KRT77: variants seen among roughly 807,000 people sequenced by gnomAD.
KRT77 encodes keratin 77, also known as keratin, type II cytoskeletal 1b.
In KRT77, 44 loss-of-function variants were observed where a neutral mutation model predicts 51.5. That is an observed-to-expected ratio of 0.85 (90% CI 0.67 to 1.10). The LOEUF (loss-of-function observed/expected upper bound fraction) is 1.10, where lower values mean the gene tolerates loss of function less well. Among genes scored for constraint, KRT77 ranks in the 50% least tolerant of loss-of-function variants. The pLI, the probability that KRT77 is intolerant of heterozygous loss-of-function variation, is 0.00. For missense variants in KRT77, 763 were observed against 743.9 expected, an observed-to-expected ratio of 1.03 and a Z score of -0.30; for synonymous variants, 293 against 302.0, an observed-to-expected ratio of 0.97 and a Z score of 0.31.
rs746470451 is a variant in KRT77 at position 52,703,143 on chromosome 12, CA to C, written c.291del (p.Phe97LeufsTer43). ...GVGGFGGGRGFGVGSTGAGGF... is the reference protein window; with the variant it reads ...GVGGFGGGRGXGVGSTGAGGF... ...CCACCAGCCCCGGTGCTGCCAACCCCAAAGCCTCTGCCCCCTCCAAATCCCC... is the reference window on the plus strand; with the variant it reads ...CCACCAGCCCCGGTGCTGCCAACCCCAAGCCTCTGCCCCCTCCAAATCCCC... On this transcript the variant is annotated frameshift_variant, in exon 1 of 9. Coordinates refer to ENST00000341809, the MANE Select transcript of KRT77 (RefSeq NM_175078.3). LOFTEE classifies it high-confidence loss of function. The C allele has an allele frequency of 2.6e-5, 42 of 1,610,972 alleles. No individual in the cohort carries two copies. The South Asian group carries it at 4.2e-4, about 16-fold the overall frequency.
intron 2 of KRT77, among the ~76,000 whole-genome samples, chr12:52,697,100 T>A (rs919053721): frequency 6.6e-5 from 10 of 152,228 alleles, no homozygotes; most frequent in Non-Finnish European, 4.4e-5. Flanking sequence ...ACAGCCACAA[T>A]ACTAAGAACT....
At chr12:52,696,576 T>C in intron 2 of KRT77, 146 bp from the exon 3 acceptor site, 1 of 682,102 alleles carries the variant, frequency 1.5e-6, no homozygotes, top group Non-Finnish European at 2.6e-6. Flanking sequence ...GGCTGTCCAT[T>C]CCCAGAGGCT....
chr12:52,692,548 C>A lies in KRT77; in HGVS notation c.1300G>T (p.Ala434Ser). The change falls in exon 7 of 9, where the codon GCC becomes TCC. Residue 434 changes from alanine to serine, a missense_variant. By Grantham distance (99) the Ala-to-Ser change is moderately conservative. Transcript: ENST00000341809. The stretch of plus-strand genomic sequence containing the variant: ...AGCTCCTCCTTGGACTGCTGCAGGG[C>A]CTCCTCCAGGTCCTGCAGCTTCTGC... ...AWQKLQDLEE[A>S]LQQSKEELAR... The A allele has an allele frequency of 6.2e-7, 1 of 1,605,100 alleles. No homozygotes were observed. Among genetic ancestry groups the A allele is most frequent in the South Asian group, 1.1e-5 (1 of 90,848 alleles).
At chr12:52,696,989 G>A (rs1411557916) in intron 2 of KRT77, among the ~76,000 whole-genome samples, 1 of 152,174 alleles carries the variant, frequency 6.6e-6, no homozygotes, top group Non-Finnish European at 1.5e-5. Context: ...AGGCTCTGCT[G>A]CCTGCACGGC....
chr12:52,703,300 A>G lies in KRT77; in HGVS notation c.135T>C (p.Gly45=). 1 of 1,613,684 alleles carries G rather than the reference A, an allele frequency of 6.2e-7. No individual in the cohort carries two copies. The highest frequency in any genetic ancestry group is 8.5e-7 in the Non-Finnish European group (1 of 1,179,956). The change falls in exon 1 of 9, where the codon GGT becomes GGC. Residue 45 remains glycine (G), a synonymous_variant. Coordinates refer to ENST00000341809, the MANE Select transcript of KRT77 (RefSeq NM_175078.3). ...TTCCATGGATCCCATATCCACCACC[A>G]CCACACCTCCCTCGAGCATAACACA... ...GSVCYARGRC[G]GGGYGIHGRG...
intron 1 of KRT77, 50 bp from the exon 2 acceptor site, chr12:52,697,946 C>T (rs12426129): frequency 0.18 from 283,342 of 1,558,154 alleles, 27,758 homozygotes; most frequent in Admixed American, 0.29. Flanking sequence ...CAGAGCAGCT[C>T]CCCCATAAGT....
intron 1 of KRT77, among the ~76,000 whole-genome samples, chr12:52,700,966 A>T (rs1941879627): frequency 6.6e-6 from 1 of 152,214 alleles, no homozygotes; most frequent in African/African-American, 2.4e-5. Context: ...TCTTCCTTCC[A>T]GCCAGGCCAC....
At chr12:52,699,698 A>G (rs1420782453) in intron 1 of KRT77, among the ~76,000 whole-genome samples, 1 of 152,098 alleles carries the variant, frequency 6.6e-6, no homozygotes, top group African/African-American at 2.4e-5. Flanking sequence ...CATCCTTTAG[A>G]CCTCAGCTGA....
At chr12:52,692,666 A>G (rs1941732778) in intron 6 of KRT77, 25 bp from the exon 7 acceptor site, 2 of 1,580,284 alleles carry the variant, frequency 1.3e-6, no homozygotes, top group African/African-American at 1.4e-5. Flanking sequence ...GTTGGAGACC[A>G]TTTAATGGTT....
chr12:52,696,381 C>T lies in KRT77; in HGVS notation c.808G>A (p.Val270Ile), dbSNP rs200230736. Residue 270 changes from valine (V) to isoleucine (I), a missense_variant, in exon 3 of 9, where the codon GTC (valine) becomes ATC (isoleucine). Coordinates refer to ENST00000341809, the MANE Select transcript of KRT77 (RefSeq NM_175078.3). ...KRTGSENDFV[V>I]LKKDVDAAYV... ...CCCCTTTCCCTCACCTTCTTCAGGA[C>T]GACAAAGTCATTCTCGCTGCCAGTC... 29 of 1,614,058 alleles carry T rather than the reference C, an allele frequency of 1.8e-5. No individual in the cohort carries two copies. The highest frequency in any genetic ancestry group is 2.2e-5 in the Non-Finnish European group (26 of 1,180,014).
intron 1 of KRT77, chr12:52,698,149 C>T (rs993358861): frequency 7.2e-7 from 1 of 1,395,940 alleles, no homozygotes; most frequent in Non-Finnish European, 9.5e-7. Flanking sequence ...TAAATCACCT[C>T]CTTCATTTAC....
At position 52,703,203 on chromosome 12, in the gene KRT77, T is replaced by C. The variant is rs749127239; in HGVS notation, c.232A>G (p.Ser78Gly). 1 of 1,593,702 alleles carries C rather than the reference T, an allele frequency of 6.3e-7. No homozygotes were observed. The highest frequency in any genetic ancestry group is 1.1e-5 in the South Asian group (1 of 90,370). Residue 78 changes from serine (S) to glycine (G), a missense_variant, in exon 1 of 9, where the codon AGC (serine) becomes GGC (glycine). Transcript: ENST00000341809. ...CCACCCTGGCAGAAACCACTGGTGC[T>C]CCTCCCCATTAGATTAATGGAGATG... The part of the protein sequence containing the change: ...RSISINLMGR[S>G]TSGFCQGGGV...
rs1182588469 is a variant in KRT77 at position 52,690,457 on chromosome 12, G to C, written c.*708C>G. On this transcript the variant is annotated 3_prime_UTR_variant, in exon 9 of 9. Transcript: ENST00000341809. ...ATCAACATGAGTGTATGAGGCTATG[G>C]ACCAAGAGGCAGGAATAGGCCGCTG... 6.5e-6 allele frequency: 1 copy of C among 154,948 alleles called. No individual in the cohort carries two copies. 9.6% of individuals were successfully genotyped at this position (154,948 alleles called of 1,614,324 possible).
At chr12:52,696,291 C>G in intron 3 of KRT77, 79 bp downstream of exon 3, 1 of 1,400,858 alleles carries the variant, frequency 7.1e-7, no homozygotes, top group Non-Finnish European at 1.0e-6. Context: ...GCCGTTGTCA[C>G]AGAGCATCCC....
intron 3 of KRT77, 92 bp from the exon 4 acceptor site, chr12:52,695,959 C>G (rs138851450): frequency 0.018 from 14,226 of 808,174 alleles, 809 homozygotes; most frequent in Admixed American, 0.16. Context: ...CAGAGCCACT[C>G]TAGGTTTATT....
intron 1 of KRT77, among the ~76,000 whole-genome samples, chr12:52,700,035 G>A (rs1270848137): frequency 6.6e-6 from 1 of 152,220 alleles, no homozygotes; most frequent in Non-Finnish European, 1.5e-5. Context: ...CCAGGCCAGT[G>A]TCCCAGGGGT....
chr12:52,696,517 T>TC (rs1941797087), intron 2 of KRT77, 87 bp from the exon 3 acceptor site: 1 of 1,112,780 alleles, frequency 9.0e-7, no homozygotes. Flanking sequence ...AGCTTGGAAT[T>TC]CCCCAAACAT....
At chr12:52,698,139 T>G in intron 1 of KRT77, 1 of 1,420,116 alleles carries the variant, frequency 7.0e-7, no homozygotes, top group Non-Finnish European at 9.3e-7. Flanking sequence ...GTTTTGAAGG[T>G]AAATCACCTC....
chr12:52,696,000 G>T, intron 3 of KRT77, 133 bp from the exon 4 acceptor site: 1 of 656,690 alleles, frequency 1.5e-6, no homozygotes, highest in Non-Finnish European at 2.8e-6. Context: ...CACCGCACTC[G>T]AATAAGGGAC....
Sources: gnomAD v4.1 joint callset for allele counts (sites outside exome capture counted in the v4.1 genomes callset) on GRCh38, gnomAD v4.1.1 for gene constraint, MANE v1.5 for transcripts, NCBI Gene and HGNC (gene_info 2026-07-23, HGNC 2026-07-21) for gene names.